The following ESRRG variants were observed in gnomAD, a reference collection of about 807,000 sequenced individuals.
The protein encoded by ESRRG is estrogen related receptor gamma.
In ESRRG, 13 loss-of-function variants were observed where a neutral mutation model predicts 44.0. The ratio of observed to expected loss-of-function variants is 0.30; its 90% CI spans 0.19 to 0.47. The LOEUF (loss-of-function observed/expected upper bound fraction) is 0.47, where lower values mean the gene tolerates loss of function less well. Among genes scored for constraint, ESRRG ranks in the 20% least tolerant of loss-of-function variants. The pLI, the probability that ESRRG is intolerant of heterozygous loss-of-function variation, is 1.00. For missense variants in ESRRG, 395 were observed against 580.6 expected (o/e 0.68, Z 3.29); for synonymous variants, 215 against 214.6 (o/e 1.00, Z -0.02).
chr1:216,894,278 C>G (rs1156731922), intron 2 of ESRRG, among the ~76,000 whole-genome samples: 3 of 152,122 alleles, frequency 2.0e-5, no homozygotes, highest in Non-Finnish European at 4.4e-5. Context: ...AAAATGTACA[C>G]AGTCTTAAAA....
intron 2 of ESRRG, among the ~76,000 whole-genome samples, chr1:216,762,373 C>T (rs1559539414): frequency 1.3e-5 from 2 of 151,944 alleles, no homozygotes; most frequent in Non-Finnish European, 2.9e-5. Context: ...TACTATGCAG[C>T]CATAAAAAAT....
At chr1:217,029,945 T>C (rs1384153648) in intron 1 of ESRRG, among the ~76,000 whole-genome samples, 1 of 152,152 alleles carries the variant, frequency 6.6e-6, no homozygotes, top group African/African-American at 2.4e-5. Flanking sequence ...TAATATTTAC[T>C]CAGCTTAGCC....
intron 2 of ESRRG, among the ~76,000 whole-genome samples, chr1:216,668,012 G>C (rs534843277): frequency 2.0e-5 from 3 of 151,384 alleles, no homozygotes; most frequent in Non-Finnish European, 2.9e-5. Flanking sequence ...CAGAAGAATC[G>C]CTTGAACTCA....
intron 5 of ESRRG, among the ~76,000 whole-genome samples, chr1:216,560,128 A>T (rs187216579): frequency 6.6e-6 from 1 of 152,258 alleles, no homozygotes. Context: ...CATATACTTA[A>T]AGACTATTTA....
chr1:216,871,903 C>T (rs942977675), intron 2 of ESRRG, among the ~76,000 whole-genome samples: 1 of 152,008 alleles, frequency 6.6e-6, no homozygotes, highest in Non-Finnish European at 1.5e-5. Context: ...ATTTCTTTTG[C>T]TGTTCTTTCA....
chr1:216,788,795 GA>G (rs949018417), intron 2 of ESRRG, among the ~76,000 whole-genome samples: 1 of 152,128 alleles, frequency 6.6e-6, no homozygotes, highest in Non-Finnish European at 1.5e-5. Context: ...TAATTTATGG[GA>G]GGAGGTCAAA....
At chr1:216,705,719 G>T (rs556388573) in intron 1 of ESRRG, among the ~76,000 whole-genome samples, 1 of 152,214 alleles carries the variant, frequency 6.6e-6, no homozygotes, top group East Asian at 1.9e-4. Context: ...TCCTTCCCCT[G>T]TTACTCTTCT....
chr1:216,978,070 G>T (rs572045354), intron 1 of ESRRG, among the ~76,000 whole-genome samples: 1 of 152,048 alleles, frequency 6.6e-6, no homozygotes, highest in Non-Finnish European at 1.5e-5. Flanking sequence ...AGATTATCTA[G>T]TCGGCTGTAT....
chr1:216,526,806 A>G (rs1035262312), intron 5 of ESRRG, among the ~76,000 whole-genome samples: 1 of 152,146 alleles, frequency 6.6e-6, no homozygotes, highest in Non-Finnish European at 1.5e-5. Context: ...GACAAAATCC[A>G]TGGACTGGGA....
At chr1:216,531,748 G>A (rs758422929) in intron 5 of ESRRG, among the ~76,000 whole-genome samples, 1 of 152,068 alleles carries the variant, frequency 6.6e-6, no homozygotes, top group Non-Finnish European at 1.5e-5. Flanking sequence ...TCCATTCAAA[G>A]TAGAATGGAG....
At chr1:216,529,839 C>T (rs1215858277) in intron 5 of ESRRG, among the ~76,000 whole-genome samples, 4 of 152,020 alleles carry the variant, frequency 2.6e-5, no homozygotes, top group East Asian at 3.9e-4. Flanking sequence ...TTGCCAGGTG[C>T]GGTGGCTCAT....
intron 1 of ESRRG, among the ~76,000 whole-genome samples, chr1:216,702,636 G>C (rs944602896): frequency 6.7e-6 from 1 of 149,646 alleles, no homozygotes; most frequent in African/African-American, 2.5e-5. Context: ...AATTAGCCAG[G>C]CATGGTGGCA....
intron 1 of ESRRG, among the ~76,000 whole-genome samples, chr1:217,077,728 G>A (rs929298589): frequency 6.6e-6 from 1 of 152,188 alleles, no homozygotes; most frequent in African/African-American, 2.4e-5. Context: ...AATATGTTTT[G>A]AGAGCAAGAA....
At chr1:216,507,868 G>A (rs555554816) in intron 6 of ESRRG, among the ~76,000 whole-genome samples, 1 of 152,250 alleles carries the variant, frequency 6.6e-6, no homozygotes, top group East Asian at 1.9e-4. Flanking sequence ...GCCCTTAAAT[G>A]AATAATTTGA....
At chr1:217,078,152 C>G (rs2091472737) in intron 1 of ESRRG, 2 of 152,158 alleles carry the variant, frequency 1.3e-5, no homozygotes, top group Admixed American at 6.5e-5. Context: ...TGGGTTCTTC[C>G]AAGAGTTTGG....
chr1:217,102,634 C>T (rs991706171), intron 1 of ESRRG, among the ~76,000 whole-genome samples: 25 of 152,158 alleles, frequency 1.6e-4, no homozygotes, highest in Admixed American at 7.2e-4. Flanking sequence ...AATAACCTTC[C>T]CCAAAGCATG....
intron 3 of ESRRG, among the ~76,000 whole-genome samples, chr1:216,596,130 C>T (rs866729548): frequency 3.3e-5 from 5 of 152,306 alleles, no homozygotes; most frequent in East Asian, 1.9e-4. Flanking sequence ...ACATAAAACA[C>T]GATCACTGCT....
chr1:216,870,702 A>G (rs2096247978), intron 2 of ESRRG, among the ~76,000 whole-genome samples: 1 of 151,996 alleles, frequency 6.6e-6, no homozygotes, highest in African/African-American at 2.4e-5. Flanking sequence ...TGGTTTGCCT[A>G]TGTTATCTTG....
chr1:217,086,022 G>T (rs1328550555), intron 1 of ESRRG, among the ~76,000 whole-genome samples: 1 of 152,102 alleles, frequency 6.6e-6, no homozygotes, highest in Non-Finnish European at 1.5e-5. Flanking sequence ...TGCACAAGAA[G>T]TCCCGGTACA....
Sources: allele counts gnomAD v4.1 joint callset (sites outside exome capture counted in the v4.1 genomes callset), GRCh38; gene constraint gnomAD v4.1.1; transcripts MANE v1.5; gene names NCBI Gene and HGNC (gene_info 2026-07-23, HGNC 2026-07-21).